IL16: variants seen among roughly 807,000 people sequenced by gnomAD.
The protein encoded by IL16 is interleukin 16.
Under a neutral mutation model 110.1 loss-of-function variants are expected in IL16, and 67 were observed. The ratio of observed to expected loss-of-function variants is 0.61; its 90% CI spans 0.50 to 0.75. The LOEUF is 0.75. Ranked by LOEUF, IL16 falls within the 30% of genes least tolerant of loss-of-function variation. IL16 has a pLI of 0.00. For missense variants in IL16, 1,545 were observed against 1,655.0 expected (o/e 0.93, Z 1.15); for synonymous variants, 689 against 662.9 (o/e 1.04, Z -0.61).
chr15:81,297,124 A>C (rs760820397), intron 13 of IL16, 46 bp downstream of exon 13: 2 of 1,583,020 alleles, frequency 1.3e-6, no homozygotes, highest in Middle Eastern at 1.8e-4. Context: ...CTTTTGAAAA[A>C]AGGTGCAGGG....
At chr15:81,237,936 G>T (rs1301403477) in intron 2 of IL16, among the ~76,000 whole-genome samples, 2 of 151,452 alleles carry the variant, frequency 1.3e-5, no homozygotes, top group Non-Finnish European at 2.9e-5. Context: ...ACGGAGTCTT[G>T]CTCTGTCACC....
Position 81,292,808 on chromosome 15 carries a change from C to T in IL16, c.1673C>T (p.Ala558Val), listed in dbSNP as rs979840097. 6.8e-6 allele frequency: 11 copies of T among 1,614,134 alleles called. No homozygotes were observed. Among genetic ancestry groups the T allele is most frequent in the Non-Finnish European group, 8.5e-6 (10 of 1,180,018 alleles). ...LAREPVVLSIASSRLPQESPP... is the reference protein window; with the variant it reads ...LAREPVVLSIVSSRLPQESPP... ...CGGGAGCCAGTGGTGCTTTCTATAGCATCCTCCAGGCTGCCCCAGGAGAGC... is the reference window on the plus strand; with the variant it reads ...CGGGAGCCAGTGGTGCTTTCTATAGTATCCTCCAGGCTGCCCCAGGAGAGC... The change falls in exon 12 of 19, where the codon GCA (alanine) becomes GTA (valine). Residue 558 changes from alanine to valine, a missense_variant. Physicochemically the swap from Ala to Val is moderately conservative, Grantham distance 64. Transcript: ENST00000683961.
At chr15:81,222,671 C>T (rs559365610) in intron 1 of IL16, among the ~76,000 whole-genome samples, 1 of 152,118 alleles carries the variant, frequency 6.6e-6, no homozygotes, top group East Asian at 1.9e-4. Flanking sequence ...AGGATTTTAA[C>T]ACAGCACTGA....
At chr15:81,202,930 C>T (rs1180764145) in intron 1 of IL16, among the ~76,000 whole-genome samples, 3 of 151,746 alleles carry the variant, frequency 2.0e-5, no homozygotes, top group African/African-American at 2.4e-5. Flanking sequence ...AACTAGTTTA[C>T]AGTCCCACCA....
At chr15:81,185,639 G>A (rs1566986105) in intron 1 of IL16, among the ~76,000 whole-genome samples, 4 of 152,152 alleles carry the variant, frequency 2.6e-5, no homozygotes, top group Admixed American at 1.3e-4. Flanking sequence ...TAGGCTTCAA[G>A]CACTGTGCTG....
At chr15:81,292,063 C>T in intron 11 of IL16, 9 of 432,702 alleles carry the variant, frequency 2.1e-5, no homozygotes, top group South Asian at 1.3e-4. Context: ...CTGAGGTGCA[C>T]ACCCAACAGC....
chr15:81,265,075 T>A (rs140496280), intron 3 of IL16, among the ~76,000 whole-genome samples: 17 of 152,256 alleles, frequency 1.1e-4, no homozygotes, highest in Admixed American at 1.0e-3. Context: ...GAGTTCCCGG[T>A]TGGATGAAAG....
chr15:81,299,555 CCTGAAT>C lies in IL16; in HGVS notation c.2230_2235del (p.Leu744_Asn745del). ...ACATGCCTCTACAGCCCAATGCCAG[CCTGAAT>C]GAAGAAGAAGGGACACAGGGCCACC... On this transcript the variant is annotated inframe_deletion, in exon 14 of 19. Coordinates refer to ENST00000683961, the MANE Select transcript of IL16 (RefSeq NM_172217.5). 1 of 1,614,172 alleles carries C rather than the reference CCTGAAT, an allele frequency of 6.2e-7. No individual in the cohort carries two copies.
In IL16 at chr15:81,261,009, TTCAA is replaced by T. The variant is rs1339034705; in HGVS notation, c.421+1133_421+1136del. On this transcript the variant is annotated intron_variant, in intron 3 of 18. Transcript: ENST00000683961. ...AATAATATATATGAATACCTATTTC[TTCAA>T]TCATAGCTCACATGGGATTATGATT... Among the ~76,000 whole-genome samples the T allele has an allele frequency of 4.3e-4, 66 of 152,322 alleles. No homozygotes were observed. The Middle Eastern group carries it at 0.01, about 24-fold the overall frequency.
At chr15:81,254,704 C>T (rs62035274) in intron 2 of IL16, among the ~76,000 whole-genome samples, 3,316 of 152,268 alleles carry the variant, frequency 0.022, 50 homozygotes, top group Non-Finnish European at 0.033. Flanking sequence ...AGCAGCCCCA[C>T]CTTGAGAGCA....
chr15:81,259,953 A>G, intron 3 of IL16, 73 bp downstream of exon 3: 2 of 954,716 alleles, frequency 2.1e-6, no homozygotes, highest in Non-Finnish European at 1.7e-6. Flanking sequence ...TTGGGAGGAT[A>G]GCGGCTCTCT....
At chr15:81,300,725 G>GT (rs1476194946) in intron 14 of IL16, among the ~76,000 whole-genome samples, 1 of 152,160 alleles carries the variant, frequency 6.6e-6, no homozygotes, top group African/African-American at 2.4e-5. Flanking sequence ...GGGCTGGGAG[G>GT]TAGGAGGTGG....
At chr15:81,304,911 A>G (rs1900475292) in intron 16 of IL16, among the ~76,000 whole-genome samples, 1 of 152,254 alleles carries the variant, frequency 6.6e-6, no homozygotes. Flanking sequence ...CATGCATGCT[A>G]TCACTCAGTC....
chr15:81,231,379 T>TCTCTCTCC (rs1567008806), intron 2 of IL16, among the ~76,000 whole-genome samples: 1 of 144,746 alleles, frequency 6.9e-6, no homozygotes, highest in Non-Finnish European at 1.5e-5. Flanking sequence ...TCTCTCTCTC[T>TCTCTCTCC]CTCCCTCTCT....
chr15:81,303,789 TCAGCACATCC>T lies in IL16; in HGVS notation c.3420+143_3420+152del. 1 of 651,362 alleles carries T rather than the reference TCAGCACATCC, an allele frequency of 1.5e-6. No individual in the cohort carries two copies. The highest frequency in any genetic ancestry group is 2.8e-6 in the Non-Finnish European group (1 of 357,242). The allele number at this position is 651,362 out of a possible 1,614,324, so 40.3% of individuals were successfully genotyped here. A position where few individuals can be genotyped will look rare whatever the true frequency, so the allele number is the denominator to read the frequency against. On this transcript the variant is annotated intron_variant, in intron 16 of 18. Coordinates refer to ENST00000683961, the MANE Select transcript of IL16 (RefSeq NM_172217.5). This position sits in a 1 kb window ranked among gnomAD's most constrained non-coding sequence, Gnocchi z 4.1. ...AGGCCACTGGGCAGGTCCTGTCCAC[TCAGCACATCC>T]CAGAGCCTGGGGCTGCGTGGAGAGG...
At chr15:81,261,883 A>G (rs1489384224) in intron 3 of IL16, among the ~76,000 whole-genome samples, 1 of 152,108 alleles carries the variant, frequency 6.6e-6, no homozygotes, top group Non-Finnish European at 1.5e-5. Context: ...AGCCTGGACA[A>G]TATAGTGAAA....
chr15:81,282,817 T>A, intron 9 of IL16, 61 bp downstream of exon 9: 1 of 1,199,754 alleles, frequency 8.3e-7, no homozygotes, highest in Non-Finnish European at 1.2e-6. Flanking sequence ...AGAAATACCT[T>A]AGAATGTCGG....
intron 2 of IL16, among the ~76,000 whole-genome samples, chr15:81,246,463 T>C (rs1897553568): frequency 6.6e-6 from 1 of 152,252 alleles, no homozygotes; most frequent in Non-Finnish European, 1.5e-5. Flanking sequence ...TTCTTCTTAA[T>C]CTGTTAAAGT....
upstream of IL16, among the ~76,000 whole-genome samples, chr15:81,192,585 G>A (rs1370924045): frequency 6.6e-6 from 1 of 152,178 alleles, no homozygotes; most frequent in Non-Finnish European, 1.5e-5. Context: ...TGCAGCCTGG[G>A]CCACAGAGCA....
Sources: gnomAD v4.1 joint callset for allele counts (sites outside exome capture counted in the v4.1 genomes callset) on GRCh38, gnomAD v4.1.1 for gene constraint, Gnocchi (gnomAD v3.1) non-coding constraint, MANE v1.5 for transcripts, NCBI Gene and HGNC (gene_info 2026-07-23, HGNC 2026-07-21) for gene names.